ZNF248: variants seen among roughly 807,000 people sequenced by gnomAD.
ZNF248 encodes the protein zinc finger protein 248, also known as KRAB protein domain.
A neutral mutation model predicts 44.3 loss-of-function variants in ZNF248; 20 were observed. The ratio of observed to expected loss-of-function variants is 0.45; its 90% CI spans 0.32 to 0.66. The LOEUF (loss-of-function observed/expected upper bound fraction) is 0.66, where lower values mean the gene tolerates loss of function less well. Ranked by LOEUF, ZNF248 falls within the 30% of genes least tolerant of loss-of-function variation. The pLI, the probability that ZNF248 is intolerant of heterozygous loss-of-function variation, is 0.04. For synonymous variants in ZNF248, 224 were observed against 229.0 expected (o/e 0.98, Z 0.20); for missense variants, 654 against 677.0 (o/e 0.97, Z 0.38).
At chr10:37,766,014 C>A in the ZNF248 span, among the ~76,000 whole-genome samples, 3 of 152,384 alleles carry the variant, frequency 2.0e-5, no homozygotes, top group South Asian at 2.1e-4. Flanking sequence ...TGATTGCTAG[C>A]ACAGCAGTCT....
intron 3 of ZNF248, among the ~76,000 whole-genome samples, chr10:37,845,163 A>G (rs1244570467): frequency 1.3e-5 from 2 of 151,784 alleles, no homozygotes; most frequent in Admixed American, 6.6e-5. Flanking sequence ...CTGGGACTCC[A>G]GGCACGTGCC....
chr10:37,787,618 AT>A (rs2048034897), intron 6 of ZNF248, among the ~76,000 whole-genome samples: 1 of 149,874 alleles, frequency 6.7e-6, no homozygotes, highest in Non-Finnish European at 1.5e-5. Flanking sequence ...TCCACAAATC[AT>A]GTTGGGACAA....
intron 3 of ZNF248, among the ~76,000 whole-genome samples, chr10:37,849,821 C>G (rs1175139964): frequency 6.6e-6 from 1 of 151,952 alleles, no homozygotes; most frequent in Admixed American, 6.6e-5. Context: ...GCCTGTAATC[C>G]CAACACTTTG....
intron 6 of ZNF248, among the ~76,000 whole-genome samples, chr10:37,816,093 G>A (rs1173723203): frequency 6.6e-6 from 1 of 151,626 alleles, no homozygotes; most frequent in Non-Finnish European, 1.5e-5. Flanking sequence ...GTGCTAGAAA[G>A]AACTATTTCA....
the ZNF248 span, among the ~76,000 whole-genome samples, chr10:37,765,059 C>G: frequency 2.0e-5 from 3 of 151,932 alleles, no homozygotes; most frequent in Middle Eastern, 3.2e-3. Flanking sequence ...CTCCTGGTTT[C>G]AAGAGATTCT....
At chr10:37,774,254 C>G (rs1318352566), downstream of ZNF248, among the ~76,000 whole-genome samples, 1 of 152,120 alleles carries the variant, frequency 6.6e-6, no homozygotes, top group East Asian at 1.9e-4. Flanking sequence ...TTTCTGTTAA[C>G]AGAACACAAA....
At chr10:37,803,559 A>T (rs1374219783) in intron 6 of ZNF248, 1 of 152,324 alleles carries the variant, frequency 6.6e-6, no homozygotes, top group African/African-American at 2.4e-5. Flanking sequence ...GCAGTTCCAG[A>T]CATGCTCTTT....
intron 3 of ZNF248, among the ~76,000 whole-genome samples, chr10:37,849,403 C>T (rs1442909613): frequency 2.6e-5 from 4 of 152,112 alleles, no homozygotes; most frequent in South Asian, 2.1e-4. Flanking sequence ...AAGAAACGGC[C>T]GGGCACAGTG....
At chr10:37,820,465 G>A in intron 6 of ZNF248, 1 of 1,592,118 alleles carries the variant, frequency 6.3e-7, no homozygotes, top group South Asian at 1.1e-5. Context: ...AACCACAGAG[G>A]GGCTGTTCTA....
intron 6 of ZNF248, among the ~76,000 whole-genome samples, chr10:37,809,110 ATTTTC>A (rs2051084206): frequency 6.6e-6 from 1 of 151,752 alleles, no homozygotes; most frequent in African/African-American, 2.4e-5. Flanking sequence ...AGTTTGAGTC[ATTTTC>A]TTAGTCTAGT....
intron 6 of ZNF248, among the ~76,000 whole-genome samples, chr10:37,815,407 C>T (rs778396434): frequency 1.4e-4 from 21 of 152,064 alleles, no homozygotes; most frequent in East Asian, 1.9e-4. Flanking sequence ...ATGACCCTAT[C>T]TTCAAATTCA....
rs761023672 is a variant in ZNF248, at chr10:37,829,275, T to C, written c.*2340A>G. On this transcript the variant is annotated 3_prime_UTR_variant, in exon 6 of 6. Coordinates refer to ENST00000395867, the MANE Select transcript of ZNF248 (RefSeq NM_021045.3). Reference sequence around the variant, plus strand: ...CCTCCTTGCCCTTCAAGGCTCAGAATGGCAATGGCTTCCTGCTGATACAAG... The same window carrying C: ...CCTCCTTGCCCTTCAAGGCTCAGAACGGCAATGGCTTCCTGCTGATACAAG... The C allele has an allele frequency of 3.7e-4, 364 of 985,320 alleles. No homozygotes were observed. Among genetic ancestry groups the C allele is most frequent in the Middle Eastern group, 1.6e-3 (3 of 1,914 alleles). 61.0% of individuals were successfully genotyped at this position (985,320 alleles called of 1,614,324 possible).
chr10:37,825,868 G>A (rs994009072), downstream of ZNF248, among the ~76,000 whole-genome samples: 2 of 149,340 alleles, frequency 1.3e-5, no homozygotes, highest in Non-Finnish European at 3.0e-5. Context: ...ATTTGAAGAC[G>A]ACAACTTGGT....
the ZNF248 span, among the ~76,000 whole-genome samples, chr10:37,767,644 C>A: frequency 4.6e-5 from 7 of 152,188 alleles, no homozygotes; most frequent in Non-Finnish European, 1.0e-4. Context: ...TGGAAAGGAA[C>A]AACCAGTTCC....
chr10:37,773,221 G>A (rs1157939897), downstream of ZNF248, among the ~76,000 whole-genome samples: 2 of 151,994 alleles, frequency 1.3e-5, no homozygotes, highest in African/African-American at 2.4e-5. Flanking sequence ...CTCCAGCCTG[G>A]GCAACAGAAC....
chr10:37,838,188 T>G, intron 3 of ZNF248, 77 bp from the exon 4 acceptor site: 7 of 1,396,774 alleles, frequency 5.0e-6, no homozygotes, highest in Non-Finnish European at 6.7e-6. Flanking sequence ...ACTAATCTCT[T>G]TAGAGTTTAC....
chr10:37,778,402 A>G (rs1484578486), intron 6 of ZNF248, among the ~76,000 whole-genome samples: 4 of 151,956 alleles, frequency 2.6e-5, no homozygotes, highest in Non-Finnish European at 5.9e-5. Context: ...TTTCTTGTAA[A>G]TTTGTTTGAG....
intron 3 of ZNF248, among the ~76,000 whole-genome samples, chr10:37,849,559 C>T (rs749077373): frequency 5.3e-5 from 8 of 151,604 alleles, no homozygotes; most frequent in Non-Finnish European, 8.8e-5. Context: ...TGGTGGAGGG[C>T]GCCTGTAGTC....
At chr10:37,774,880 A>C (rs1779048), downstream of ZNF248, among the ~76,000 whole-genome samples, 9,129 of 152,192 alleles carry the variant, frequency 0.06, 353 homozygotes, top group Middle Eastern at 0.095. Flanking sequence ...TCCAGGGTTC[A>C]AGTGATTCTC....
Sources: gnomAD v4.1 joint callset for allele counts (sites outside exome capture counted in the v4.1 genomes callset) on GRCh38, gnomAD v4.1.1 for gene constraint, MANE v1.5 for transcripts, NCBI Gene and HGNC (gene_info 2026-07-23, HGNC 2026-07-21) for gene names.